KCNC2: variants seen among roughly 807,000 people sequenced by gnomAD.
The protein encoded by KCNC2 is voltage-gated potassium channel KCNC2.
KCNC2 carries 21 observed loss-of-function variants against 44.5 expected under a neutral mutation model. The observed-to-expected ratio is 0.47, with a 90% CI of 0.33 to 0.68. KCNC2 has a LOEUF of 0.68. Ranked by LOEUF, KCNC2 falls within the 30% of genes least tolerant of loss-of-function variation. KCNC2 has a pLI of 0.01. For missense variants in KCNC2, 589 were observed against 826.2 expected, an observed-to-expected ratio of 0.71 and a Z score of 3.52; for synonymous variants, 391 against 339.1, an observed-to-expected ratio of 1.15 and a Z score of -1.68.
intron 2 of KCNC2, among the ~76,000 whole-genome samples, chr12:75,128,425 A>AACAATAC (rs1407044207): frequency 6.6e-6 from 1 of 152,198 alleles, no homozygotes; most frequent in East Asian, 1.9e-4. Flanking sequence ...TGTTATAAAA[A>AACAATAC]ACAATACTTG....
intron 4 of KCNC2, among the ~76,000 whole-genome samples, chr12:75,044,150 C>G (rs1880840): frequency 0.89 from 134,915 of 151,990 alleles, 59,985 homozygotes; most frequent in Admixed American, 0.91. Flanking sequence ...CAAAATATTA[C>G]AGACAGTTAA....
At chr12:75,073,397 A>G (rs1238566834) in intron 2 of KCNC2, among the ~76,000 whole-genome samples, 1 of 152,190 alleles carries the variant, frequency 6.6e-6, no homozygotes, top group Non-Finnish European at 1.5e-5. Flanking sequence ...TTATGAAGCC[A>G]GTTTTCTTTG....
chr12:75,131,739 A>G (rs998997664), intron 2 of KCNC2, among the ~76,000 whole-genome samples: 2 of 152,164 alleles, frequency 1.3e-5, no homozygotes, highest in Admixed American at 6.5e-5. Flanking sequence ...ACAGCTAGTA[A>G]GGAAAGAGGG....
intron 2 of KCNC2, among the ~76,000 whole-genome samples, chr12:75,110,568 GAATAGGA>G (rs1281373611): frequency 2.6e-5 from 4 of 152,086 alleles, no homozygotes; most frequent in African/African-American, 7.2e-5. Context: ...GGAGATCTTG[GAATAGGA>G]AATGGTGACA....
intron 2 of KCNC2, among the ~76,000 whole-genome samples, chr12:75,150,055 T>C (rs1423909881): frequency 6.6e-6 from 1 of 151,880 alleles, no homozygotes; most frequent in Admixed American, 6.6e-5. Context: ...CATTTGATTA[T>C]ACAACCTTGA....
chr12:75,104,374 G>A (rs893658769), intron 2 of KCNC2, among the ~76,000 whole-genome samples: 1 of 152,066 alleles, frequency 6.6e-6, no homozygotes, highest in African/African-American at 2.4e-5. Context: ...CTTATGAATT[G>A]TTTATTTCTG....
intron 2 of KCNC2, among the ~76,000 whole-genome samples, chr12:75,141,924 C>T (rs1889683133): frequency 6.6e-6 from 1 of 152,082 alleles, no homozygotes; most frequent in Non-Finnish European, 1.5e-5. Context: ...CTTTCATCCT[C>T]ACAAAAATAT....
chr12:75,204,699 C>T (rs1165577052), intron 2 of KCNC2, among the ~76,000 whole-genome samples: 1 of 152,074 alleles, frequency 6.6e-6, no homozygotes, highest in Non-Finnish European at 1.5e-5. Flanking sequence ...CTTGTGGCCT[C>T]CACATATGAT....
chr12:75,041,214 C>T lies in KCNC2; in HGVS notation c.*1891G>A. On this transcript the variant is annotated 3_prime_UTR_variant, in exon 5 of 5. Transcript: ENST00000549446. ...GATAAATTCTGTACAACACTGTAGTCAATAACAGCAGCACCAGACAGCATA... is the reference window on the plus strand; with the variant it reads ...GATAAATTCTGTACAACACTGTAGTTAATAACAGCAGCACCAGACAGCATA... The T allele has an allele frequency of 6.3e-7, 1 of 1,595,142 alleles. No homozygotes were observed. Among genetic ancestry groups the T allele is most frequent in the Non-Finnish European group, 8.5e-7 (1 of 1,177,608 alleles).
In KCNC2 at chr12:75,155,077, A is replaced by C. The variant is rs536976453; in HGVS notation, c.687+52220T>G. Among the ~76,000 whole-genome samples, 12 of 151,986 alleles carry C rather than the reference A, an allele frequency of 7.9e-5. No individual in the cohort carries two copies. The South Asian group carries it at 2.5e-3, about 31-fold the overall frequency. On this transcript the variant is annotated intron_variant, in intron 2 of 4. Transcript: ENST00000549446. ...TTGGTGCTCACAGAAATACAGGGAA[A>C]ATAAAAAATTATAGATTCAATCTTG...
chr12:75,066,908 A>G (rs976062570), intron 2 of KCNC2, among the ~76,000 whole-genome samples: 4 of 152,206 alleles, frequency 2.6e-5, no homozygotes, highest in Non-Finnish European at 5.9e-5. Flanking sequence ...ATTTGGGGAT[A>G]ACAAAAAAGC....
chr12:75,120,669 A>C (rs1279387033), intron 2 of KCNC2, among the ~76,000 whole-genome samples: 2 of 151,632 alleles, frequency 1.3e-5, no homozygotes, highest in Non-Finnish European at 2.9e-5. Context: ...CTTACAAAAG[A>C]CTCCTTGGCA....
intron 2 of KCNC2, among the ~76,000 whole-genome samples, chr12:75,052,643 C>T (rs370110704): frequency 3.4e-4 from 51 of 152,114 alleles, no homozygotes; most frequent in African/African-American, 1.1e-3. Flanking sequence ...TATCCAAAAT[C>T]CAAAGTTGCC....
intron 2 of KCNC2, among the ~76,000 whole-genome samples, chr12:75,069,325 G>A (rs558495547): frequency 6.6e-6 from 1 of 151,588 alleles, no homozygotes; most frequent in South Asian, 2.1e-4. Context: ...TAGTAGAGAT[G>A]GGATTTCTCC....
chr12:75,041,296 C>A lies in KCNC2; in HGVS notation c.*1809G>T. 2.0e-6 allele frequency: 3 copies of A among 1,528,012 alleles called. No homozygotes were observed. Among genetic ancestry groups the A allele is most frequent in the South Asian group, 2.4e-5 (2 of 82,886 alleles). 94.7% of individuals were successfully genotyped at this position (1,528,012 alleles called of 1,614,324 possible). Reference sequence around the variant, plus strand: ...TATAATGTTCTATGTGTGGTGTTATCAAAAGAATCACTGTGTCTCTAAATA... The same window carrying A: ...TATAATGTTCTATGTGTGGTGTTATAAAAAGAATCACTGTGTCTCTAAATA... On this transcript the variant is annotated 3_prime_UTR_variant, in exon 5 of 5. Coordinates refer to ENST00000549446, the MANE Select transcript of KCNC2 (RefSeq NM_139137.4).
chr12:75,083,606 A>G (rs1884699100), intron 2 of KCNC2, among the ~76,000 whole-genome samples: 1 of 151,972 alleles, frequency 6.6e-6, no homozygotes, highest in Admixed American at 6.6e-5. Context: ...ATAATTTTCC[A>G]TCAACATTAA....
At chr12:75,156,471 A>T (rs544314918) in intron 2 of KCNC2, among the ~76,000 whole-genome samples, 114 of 151,910 alleles carry the variant, frequency 7.5e-4, no homozygotes, top group African/African-American at 2.7e-3. Context: ...TATGCCTCGC[A>T]CAGCCTAAAA....
At chr12:75,168,503 G>C (rs1379080414) in intron 2 of KCNC2, among the ~76,000 whole-genome samples, 5 of 151,436 alleles carry the variant, frequency 3.3e-5, no homozygotes, top group Non-Finnish European at 1.5e-5. Context: ...ATTATCAATT[G>C]CATAGTTTCT....
At chr12:75,173,623 T>C (rs1347398388) in intron 2 of KCNC2, among the ~76,000 whole-genome samples, 2 of 151,944 alleles carry the variant, frequency 1.3e-5, no homozygotes, top group Non-Finnish European at 2.9e-5. Flanking sequence ...TAAAATTCTG[T>C]ATAATTACAT....
Sources: allele counts gnomAD v4.1 joint callset (sites outside exome capture counted in the v4.1 genomes callset), GRCh38; gene constraint gnomAD v4.1.1; transcripts MANE v1.5; gene names NCBI Gene and HGNC (gene_info 2026-07-23, HGNC 2026-07-21).